Variants in EYA4 observed in about 807,000 individuals in gnomAD.
EYA4 encodes the protein EYA transcriptional coactivator and phosphatase 4, also known as protein phosphatase EYA4.
A neutral mutation model predicts 87.9 loss-of-function variants in EYA4; 31 were observed. The ratio of observed to expected loss-of-function variants is 0.35; its 90% CI spans 0.27 to 0.48. The LOEUF is 0.48. Among genes scored for constraint, EYA4 ranks in the 20% least tolerant of loss-of-function variants. The probability of loss-of-function intolerance (pLI) is 0.99; values close to 1 mark genes in which losing one functional copy is unlikely to be tolerated. For synonymous variants in EYA4, 263 were observed against 270.6 expected (o/e 0.97, Z 0.28); for missense variants, 678 against 761.4 (o/e 0.89, Z 1.29).
chr6:133,278,535 A>T (rs1014017929), intron 2 of EYA4, among the ~76,000 whole-genome samples: 1 of 152,152 alleles, frequency 6.6e-6, no homozygotes, highest in Non-Finnish European at 1.5e-5. Flanking sequence ...GCCTTTATAT[A>T]CTTTTAGTGA....
chr6:133,528,225 A>G (rs1466365544), intron 19 of EYA4, among the ~76,000 whole-genome samples: 1 of 151,712 alleles, frequency 6.6e-6, no homozygotes, highest in East Asian at 1.9e-4. Context: ...TTTTTTTTCT[A>G]CTTTATGTAG....
At chr6:133,464,920 C>T (rs980301111) in intron 10 of EYA4, 62 bp downstream of exon 10, 3 of 1,112,844 alleles carry the variant, frequency 2.7e-6, no homozygotes, top group Non-Finnish European at 4.1e-6. Flanking sequence ...AGAGTACTCT[C>T]AGGTTGCCAT....
At chr6:133,313,889 T>G (rs868787858) in intron 2 of EYA4, among the ~76,000 whole-genome samples, 1 of 134,940 alleles carries the variant, frequency 7.4e-6, no homozygotes, top group Admixed American at 7.2e-5. Flanking sequence ...ATCTTTCTGA[T>G]GTCTTATTTT....
At chr6:133,415,106 C>T (rs1789594163) in intron 3 of EYA4, among the ~76,000 whole-genome samples, 1 of 152,198 alleles carries the variant, frequency 6.6e-6, no homozygotes, top group South Asian at 2.1e-4. Flanking sequence ...TCACATCCAG[C>T]TTTCAAACTC....
intron 2 of EYA4, among the ~76,000 whole-genome samples, chr6:133,358,906 A>C (rs1468870850): frequency 2.6e-5 from 4 of 152,206 alleles, no homozygotes; most frequent in Non-Finnish European, 5.9e-5. Flanking sequence ...TGGTCAGGAA[A>C]GCTCTCTCTG....
At chr6:133,447,589 A>T (rs1792979188) in intron 4 of EYA4, among the ~76,000 whole-genome samples, 3 of 152,152 alleles carry the variant, frequency 2.0e-5, no homozygotes, top group African/African-American at 7.2e-5. Context: ...TTTCTTTTAA[A>T]TTTTAAATAA....
intron 2 of EYA4, among the ~76,000 whole-genome samples, chr6:133,375,533 T>TA (rs1321767808): frequency 6.6e-6 from 1 of 151,818 alleles, no homozygotes; most frequent in Non-Finnish European, 1.5e-5. Flanking sequence ...AGGACATATG[T>TA]AATAGGAAAG....
intron 2 of EYA4, among the ~76,000 whole-genome samples, chr6:133,301,239 C>A (rs1779382239): frequency 6.6e-6 from 1 of 152,310 alleles, no homozygotes; most frequent in South Asian, 2.1e-4. Context: ...TTCAAAAAAA[C>A]ATTTACAGAG....
At chr6:133,263,952 T>G (rs750624212) in intron 1 of EYA4, among the ~76,000 whole-genome samples, 4 of 152,210 alleles carry the variant, frequency 2.6e-5, no homozygotes, top group Non-Finnish European at 4.4e-5. Context: ...CAGCTGCAAT[T>G]TTTAAATCTT....
At chr6:133,518,611 A>G (rs1799817205) in intron 17 of EYA4, among the ~76,000 whole-genome samples, 1 of 152,168 alleles carries the variant, frequency 6.6e-6, no homozygotes, top group Non-Finnish European at 1.5e-5. Context: ...ATAACGAAAG[A>G]TGTAAGAATA....
intron 3 of EYA4, among the ~76,000 whole-genome samples, chr6:133,440,150 C>G (rs778845974): frequency 6.6e-6 from 1 of 152,200 alleles, no homozygotes; most frequent in African/African-American, 2.4e-5. Context: ...GTAATTTGAA[C>G]AACTCTTTAT....
intron 2 of EYA4, chr6:133,360,278 C>T (rs377716195): frequency 3.9e-5 from 6 of 152,266 alleles, no homozygotes; most frequent in Middle Eastern, 6.8e-3. Context: ...TTCAGTGTTA[C>T]GGCTTAGTAG....
chr6:133,363,534 G>GCGCGAT (rs1466098426), intron 2 of EYA4: 1 of 150,776 alleles, frequency 6.6e-6, no homozygotes, highest in African/African-American at 2.4e-5. Context: ...GAGTGCAGTG[G>GCGCGAT]CGCGATCTAG....
At chr6:133,371,042 A>G (rs184417206) in intron 2 of EYA4, among the ~76,000 whole-genome samples, 300 of 149,016 alleles carry the variant, frequency 2.0e-3, no homozygotes, top group Middle Eastern at 6.8e-3. Flanking sequence ...GTCTTTCTCA[A>G]GAAGAAGAAG....
At chr6:133,350,441 T>C (rs754960080) in intron 2 of EYA4, among the ~76,000 whole-genome samples, 6 of 152,126 alleles carry the variant, frequency 3.9e-5, no homozygotes, top group African/African-American at 7.3e-5. Context: ...GATGAGGGTA[T>C]GTTTGAAATG....
intron 3 of EYA4, among the ~76,000 whole-genome samples, chr6:133,424,575 C>T (rs1248213360): frequency 6.6e-6 from 1 of 152,096 alleles, no homozygotes; most frequent in Non-Finnish European, 1.5e-5. Context: ...GTGGCAGAGA[C>T]GACCCAGATC....
At chr6:133,371,838 A>C (rs1785290171) in intron 2 of EYA4, among the ~76,000 whole-genome samples, 1 of 152,174 alleles carries the variant, frequency 6.6e-6, no homozygotes, top group South Asian at 2.1e-4. Context: ...GGAAACCAGG[A>C]TAAATTGTCC....
chr6:133,327,989 A>G (rs111382333), intron 2 of EYA4, among the ~76,000 whole-genome samples: 1 of 152,176 alleles, frequency 6.6e-6, no homozygotes, highest in Non-Finnish European at 1.5e-5. Flanking sequence ...GCTCAGGATT[A>G]TTTACATAAC....
chr6:133,517,011 A>G (rs1397515675), intron 17 of EYA4, among the ~76,000 whole-genome samples: 1 of 152,214 alleles, frequency 6.6e-6, no homozygotes, highest in Non-Finnish European at 1.5e-5. Flanking sequence ...AAAATGATTT[A>G]TATGCCTTTG....
Sources: allele counts gnomAD v4.1 joint callset (sites outside exome capture counted in the v4.1 genomes callset), GRCh38; gene constraint gnomAD v4.1.1; transcripts MANE v1.5; gene names NCBI Gene and HGNC (gene_info 2026-07-23, HGNC 2026-07-21).